The following KCNV1 variants were observed in gnomAD, a reference collection of about 807,000 sequenced individuals.
The protein encoded by KCNV1 is potassium voltage-gated channel subfamily V member 1.
Under a neutral mutation model 36.4 loss-of-function variants are expected in KCNV1, and 2 were observed. The observed-to-expected ratio is 0.05, with a 90% CI of 0.02 to 0.17. The LOEUF (loss-of-function observed/expected upper bound fraction) is 0.17, where lower values mean the gene tolerates loss of function less well. Among genes scored for constraint, KCNV1 ranks in the 10% least tolerant of loss-of-function variants. The pLI is 1.00. For missense variants in KCNV1, 321 were observed against 643.6 expected (o/e 0.50, Z 5.42); for synonymous variants, 280 against 261.1 (o/e 1.07, Z -0.70).
chr8:109,964,187 A>T lies in KCNV1; in HGVS notation c.*3901T>A, dbSNP rs1427051775. 1 of 152,208 alleles carries T rather than the reference A, an allele frequency of 6.6e-6. No homozygotes were observed. Among genetic ancestry groups the T allele is most frequent in the East Asian group, 1.9e-4 (1 of 5,202 alleles). The allele number at this position is 152,208 out of a possible 1,614,324, so 9.4% of individuals were successfully genotyped here. ...AATCCCATTAAAAAGTGGGCAAAGGATATGAACAGACACTTTTCAAAAGAA... is the reference window on the plus strand; with the variant it reads ...AATCCCATTAAAAAGTGGGCAAAGGTTATGAACAGACACTTTTCAAAAGAA... On this transcript the variant is annotated 3_prime_UTR_variant, in exon 4 of 4. Coordinates refer to ENST00000524391, the MANE Select transcript of KCNV1 (RefSeq NM_014379.4).
At chr8:109,970,319 TCTGGGAACA>T (rs1412484524) in intron 3 of KCNV1, among the ~76,000 whole-genome samples, 1 of 152,200 alleles carries the variant, frequency 6.6e-6, no homozygotes, top group East Asian at 1.9e-4. Context: ...ATAGCATTTG[TCTGGGAACA>T]CTGTTTTAGT....
chr8:109,968,670 C>T lies in KCNV1; in HGVS notation c.992-71G>A. 7.4e-6 allele frequency: 11 copies of T among 1,495,764 alleles called. No homozygotes were observed. Among genetic ancestry groups the T allele is most frequent in the Non-Finnish European group, 9.0e-6 (10 of 1,110,096 alleles). The allele number at this position is 1,495,764 out of a possible 1,614,324, so 92.7% of individuals were successfully genotyped here. A position where few individuals can be genotyped will look rare whatever the true frequency, so the allele number is the denominator to read the frequency against. ...CTCTTCCTTCCCTCCCCTCCCCTCT[C>T]CCTCCTTGCTCTGCCACCCACAAAC... On this transcript the variant is annotated intron_variant, in intron 3 of 3. Transcript: ENST00000524391. This position sits in a 1 kb window ranked among gnomAD's most constrained non-coding sequence, Gnocchi z 5.3.
At chr8:109,970,473 A>T (rs770966825) in intron 3 of KCNV1, among the ~76,000 whole-genome samples, 1 of 152,164 alleles carries the variant, frequency 6.6e-6, no homozygotes, top group African/African-American at 2.4e-5. Flanking sequence ...TTATGCCATT[A>T]TACAGACGAG....
intron 3 of KCNV1, among the ~76,000 whole-genome samples, chr8:109,970,691 T>A (rs1398568223): frequency 6.6e-6 from 1 of 152,216 alleles, no homozygotes; most frequent in African/African-American, 2.4e-5. Context: ...ACATATTTTT[T>A]AATAATTAAG....
chr8:109,975,005 T>C lies in KCNV1; in HGVS notation c.-617A>G, dbSNP rs1820063452. The C allele has an allele frequency of 6.6e-6, 1 of 152,616 alleles. No homozygotes were observed. Among genetic ancestry groups the C allele is most frequent in the African/African-American group, 2.4e-5 (1 of 41,338 alleles). The allele number at this position is 152,616 out of a possible 1,614,324, so 9.5% of individuals were successfully genotyped here. ...GGGTCCCTTCCAACTTGAGAATTTA[T>C]ATTCCTCCCTTTTCTTTTACTGCTG... is the stretch of plus-strand genomic sequence containing the variant. On this transcript the variant is annotated 5_prime_UTR_variant, in exon 2 of 4. The change creates a new upstream start codon in the 5' untranslated region. Transcript: ENST00000524391.
chr8:109,973,581 G>A (rs1053850921), intron 2 of KCNV1, among the ~76,000 whole-genome samples: 4 of 152,048 alleles, frequency 2.6e-5, no homozygotes, highest in African/African-American at 7.2e-5. Flanking sequence ...ATAATGCTGC[G>A]TGCCAAATCT....
At chr8:109,975,434 C>G (rs552674767) in intron 1 of KCNV1, among the ~76,000 whole-genome samples, 185 bp downstream of exon 1, 1 of 152,276 alleles carries the variant, frequency 6.6e-6, no homozygotes, top group South Asian at 2.1e-4. Flanking sequence ...AGGAATAGAA[C>G]AAGCGTGGGC....
Position 109,972,812 on chromosome 8 carries a change from T to C in KCNV1, c.462-25A>G. On this transcript the variant is annotated intron_variant, in intron 2 of 3. Transcript: ENST00000524391. The surrounding 1 kb of genome is among the most constrained non-coding windows in gnomAD (Gnocchi z 5.2). ...TCTTTTAGAGAAAACAATTTGGTGATTAGTCTAACTTTATTAAAATACAGA... is the reference window on the plus strand; with the variant it reads ...TCTTTTAGAGAAAACAATTTGGTGACTAGTCTAACTTTATTAAAATACAGA... The C allele has an allele frequency of 6.6e-7, 1 of 1,520,514 alleles. No individual in the cohort carries two copies. Among genetic ancestry groups the C allele is most frequent in the Non-Finnish European group, 8.8e-7 (1 of 1,132,934 alleles). The allele number at this position is 1,520,514 out of a possible 1,614,324, so 94.2% of individuals were successfully genotyped here.
chr8:109,972,185 C>T lies in KCNV1; in HGVS notation c.991+73G>A. On this transcript the variant is annotated intron_variant, in intron 3 of 3. Transcript: ENST00000524391. The surrounding 1 kb of genome is among the most constrained non-coding windows in gnomAD (Gnocchi z 5.2). ...TTGAATATCAGTTCAGCGTTACTTT[C>T]CTTGTACTGTGGTCAAAAAACGAAT... The T allele has an allele frequency of 7.0e-7, 1 of 1,431,802 alleles. No homozygotes were observed. The highest frequency in any genetic ancestry group is 9.5e-7 in the Non-Finnish European group (1 of 1,057,390). The allele number at this position is 1,431,802 out of a possible 1,614,324, so 88.7% of individuals were successfully genotyped here. A position where few individuals can be genotyped will look rare whatever the true frequency, so the allele number is the denominator to read the frequency against.
rs1273934277 is a variant in KCNV1, at chr8:109,974,632, G to T, written c.-244C>A. The stretch of plus-strand genomic sequence containing the variant: ...CAGAAAGAGGAGACAGGGAGCAGAG[G>T]AAGGGTCGCGCTAAGAGAGAGGATC... On this transcript the variant is annotated 5_prime_UTR_variant, in exon 2 of 4. Coordinates refer to ENST00000524391, the MANE Select transcript of KCNV1 (RefSeq NM_014379.4). The surrounding 1 kb of genome is among the most constrained non-coding windows in gnomAD (Gnocchi z 6.2). The T allele has an allele frequency of 1.8e-6, 1 of 568,430 alleles. No individual in the cohort carries two copies. Among genetic ancestry groups the T allele is most frequent in the Non-Finnish European group, 3.1e-6 (1 of 320,804 alleles). 35.2% of individuals were successfully genotyped at this position (568,430 alleles called of 1,614,324 possible).
chr8:109,967,974 A>G lies in KCNV1; in HGVS notation c.*114T>C. 9.6e-7 allele frequency: 1 copy of G among 1,039,302 alleles called. No individual in the cohort carries two copies. The highest frequency in any genetic ancestry group is 2.5e-4 in the Middle Eastern group (1 of 3,960). 64.4% of individuals were successfully genotyped at this position (1,039,302 alleles called of 1,614,324 possible). A position where few individuals can be genotyped will look rare whatever the true frequency, so the allele number is the denominator to read the frequency against. ...TGAAGCAATATATCAGCAAAAATTA[A>G]TTAAGATGAGCAGTACTCTGAAGAG... On this transcript the variant is annotated 3_prime_UTR_variant, in exon 4 of 4. Coordinates refer to ENST00000524391, the MANE Select transcript of KCNV1 (RefSeq NM_014379.4).
Position 109,974,685 on chromosome 8 carries a change from C to A in KCNV1, c.-297G>T. The stretch of plus-strand genomic sequence containing the variant: ...GTGAGGTCCAAGCCCGACACAGTCC[C>A]TGTGCACACTGCCGGTCGCCCTGGC... On this transcript the variant is annotated 5_prime_UTR_variant, in exon 2 of 4. In the 5' UTR this introduces an upstream ATG that the reference lacks. Transcript: ENST00000524391. The surrounding 1 kb of genome is among the most constrained non-coding windows in gnomAD (Gnocchi z 6.2). The A allele has an allele frequency of 2.2e-6, 1 of 448,830 alleles. No individual in the cohort carries two copies. Among genetic ancestry groups the A allele is most frequent in the Non-Finnish European group, 4.0e-6 (1 of 252,142 alleles). The allele number at this position is 448,830 out of a possible 1,614,324, so 27.8% of individuals were successfully genotyped here.
At chr8:109,971,522 G>A (rs1215505875) in intron 3 of KCNV1, among the ~76,000 whole-genome samples, 1 of 151,996 alleles carries the variant, frequency 6.6e-6, no homozygotes, top group African/African-American at 2.4e-5. Flanking sequence ...TATCTTATGT[G>A]TTTGTGTGTG....
chr8:109,968,055 T>C lies in KCNV1; in HGVS notation c.*33A>G, dbSNP rs1170475716. 6.3e-7 allele frequency: 1 copy of C among 1,581,988 alleles called. No individual in the cohort carries two copies. The stretch of plus-strand genomic sequence containing the variant: ...ACTGCTTTATCATTTTAGTTAATTG[T>C]ACATAGCTTTTGTAAATAAATTGAA... On this transcript the variant is annotated 3_prime_UTR_variant, in exon 4 of 4. Transcript: ENST00000524391. This position sits in a 1 kb window ranked among gnomAD's most constrained non-coding sequence, Gnocchi z 5.3.
At chr8:109,969,122 G>A (rs1187141358) in intron 3 of KCNV1, among the ~76,000 whole-genome samples, 1 of 152,170 alleles carries the variant, frequency 6.6e-6, no homozygotes, top group Admixed American at 6.5e-5. Flanking sequence ...CCTGATTACA[G>A]GAAAGCCAGA....
At position 109,967,015 on chromosome 8, in the gene KCNV1, G is replaced by A. The variant is rs1819951421; in HGVS notation, c.*1073C>T. The stretch of plus-strand genomic sequence containing the variant: ...TCATGAGCTAGTTCTTAGCTTTAGA[G>A]GTTTTGGCTTTAATTATATAATACA... On this transcript the variant is annotated 3_prime_UTR_variant, in exon 4 of 4. Coordinates refer to ENST00000524391, the MANE Select transcript of KCNV1 (RefSeq NM_014379.4). 1 of 152,182 alleles carries A rather than the reference G, an allele frequency of 6.6e-6. No homozygotes were observed. The highest frequency in any genetic ancestry group is 2.1e-4 in the South Asian group (1 of 4,820). The allele number at this position is 152,182 out of a possible 1,614,324, so 9.4% of individuals were successfully genotyped here.
At chr8:109,970,308 C>T (rs1819994613) in intron 3 of KCNV1, among the ~76,000 whole-genome samples, 1 of 152,158 alleles carries the variant, frequency 6.6e-6, no homozygotes, top group Non-Finnish European at 1.5e-5. Context: ...TGAGGAGATG[C>T]ATAGCATTTG....
In KCNV1 at chr8:109,963,756, C is replaced by G. The variant is rs1188300782; in HGVS notation, c.*4332G>C. 1 of 152,088 alleles carries G rather than the reference C, an allele frequency of 6.6e-6. No individual in the cohort carries two copies. The allele number at this position is 152,088 out of a possible 1,614,324, so 9.4% of individuals were successfully genotyped here. On this transcript the variant is annotated 3_prime_UTR_variant, in exon 4 of 4. Coordinates refer to ENST00000524391, the MANE Select transcript of KCNV1 (RefSeq NM_014379.4). ...ATCTAATCCATTATACTTGATACTA[C>G]TTTGCATTAAAATGATAAATGCAAC...
chr8:109,968,159 C>T lies in KCNV1; in HGVS notation c.1432G>A (p.Glu478Lys). The change falls in exon 4 of 4, where the codon GAG becomes AAG. Residue 478 changes from glutamate (E) to lysine (K), a missense_variant. Transcript: ENST00000524391. The surrounding 1 kb of genome is among the most constrained non-coding windows in gnomAD (Gnocchi z 5.3). Reference protein sequence around the residue: ...LRDVYARSIMEMLRLKGRERA... With the variant: ...LRDVYARSIMKMLRLKGRERA... The stretch of plus-strand genomic sequence containing the variant: ...TCTCTGCCTTTCAGTCGCAGCATCT[C>T]CATGATACTCCGGGCATAGACATCT... The T allele has an allele frequency of 6.2e-7, 1 of 1,614,132 alleles. No homozygotes were observed. The highest frequency in any genetic ancestry group is 8.5e-7 in the Non-Finnish European group (1 of 1,179,992).
Sources: allele counts gnomAD v4.1 joint callset (sites outside exome capture counted in the v4.1 genomes callset), GRCh38; gene constraint gnomAD v4.1.1; non-coding constraint Gnocchi (gnomAD v3.1); transcripts MANE v1.5; gene names NCBI Gene and HGNC (gene_info 2026-07-23, HGNC 2026-07-21).